PRKCH: variants seen among roughly 807,000 people sequenced by gnomAD.
The protein encoded by PRKCH is protein kinase C eta, also known as protein kinase C eta type.
In PRKCH, 28 loss-of-function variants were observed where a neutral mutation model predicts 82.5. The ratio of observed to expected loss-of-function variants is 0.34; its 90% CI spans 0.25 to 0.47. The LOEUF (loss-of-function observed/expected upper bound fraction) is 0.47, where lower values mean the gene tolerates loss of function less well. Ranked by LOEUF, PRKCH falls within the 20% of genes least tolerant of loss-of-function variation. PRKCH has a pLI of 1.00. For missense variants in PRKCH, 705 were observed against 881.8 expected (o/e 0.80, Z 2.54); for synonymous variants, 322 against 327.4 (o/e 0.98, Z 0.18).
intron 10 of PRKCH, among the ~76,000 whole-genome samples, chr14:61,522,998 A>T (rs2042924572): frequency 6.6e-6 from 1 of 152,232 alleles, no homozygotes; most frequent in Non-Finnish European, 1.5e-5. Flanking sequence ...GCTTTGAAAA[A>T]ACTTTAAGTA....
chr14:61,350,605 T>G (rs2046059906), intron 1 of PRKCH, among the ~76,000 whole-genome samples: 1 of 152,078 alleles, frequency 6.6e-6, no homozygotes, highest in Admixed American at 6.5e-5. Context: ...CCTCTTAAAG[T>G]CACTGAAAGA....
At chr14:61,347,016 C>T (rs2046002150) in intron 1 of PRKCH, among the ~76,000 whole-genome samples, 1 of 152,180 alleles carries the variant, frequency 6.6e-6, no homozygotes, top group Non-Finnish European at 1.5e-5. Context: ...GGCTTGTCTG[C>T]TGCCCCTTGC....
intron 1 of PRKCH, among the ~76,000 whole-genome samples, chr14:61,384,014 G>C (rs1566849579): frequency 6.6e-6 from 1 of 152,124 alleles, no homozygotes; most frequent in Non-Finnish European, 1.5e-5. Flanking sequence ...GGAAGTTGAT[G>C]AGATCAGCAC....
intron 1 of PRKCH, among the ~76,000 whole-genome samples, chr14:61,190,658 C>T (rs1265542028): frequency 3.3e-5 from 5 of 152,322 alleles, no homozygotes; most frequent in African/African-American, 7.2e-5. Flanking sequence ...ACCACCCTGC[C>T]TCTTGCTGTG....
intron 1 of PRKCH, chr14:61,281,191 C>A: frequency 8.2e-7 from 1 of 1,220,086 alleles, no homozygotes; most frequent in Non-Finnish European, 1.0e-6. Flanking sequence ...CGAGTGGGGG[C>A]CCCGCCGCGG....
At chr14:61,266,596 G>A (rs528342882) in intron 1 of PRKCH, among the ~76,000 whole-genome samples, 4 of 152,236 alleles carry the variant, frequency 2.6e-5, no homozygotes, top group South Asian at 2.1e-4. Flanking sequence ...ATGAGCCTCC[G>A]AATCAGTGGC....
In PRKCH at chr14:61,245,655, C is replaced by T. The variant is rs7494148; in HGVS notation, c.-19+57987C>T. On this transcript the variant is annotated intron_variant, in intron 1 of 3. Transcript: ENST00000555185. ...TAGTAAAGGAAGCCGGTGGGGCAGC[C>T]TTACAGTGGTCAGCCTCCTAAGGCA... Among the ~76,000 whole-genome samples, 407 of 136,946 alleles carry T rather than the reference C, an allele frequency of 3.0e-3. 2 individuals carry two copies. Among genetic ancestry groups the T allele is most frequent in the African/African-American group, 8.9e-3 (345 of 38,570 alleles). 89.8% of individuals were successfully genotyped at this position (136,946 alleles called of 152,430 possible).
At chr14:61,487,830 CA>C (rs33953676) in intron 10 of PRKCH, among the ~76,000 whole-genome samples, 28,191 of 141,462 alleles carry the variant, frequency 0.2, 3,251 homozygotes, top group East Asian at 0.41. Context: ...CCTATCTCTA[CA>C]AAAAAAAAAA....
intron 10 of PRKCH, chr14:61,492,394 T>G (rs1216867597): frequency 6.6e-6 from 1 of 152,214 alleles, no homozygotes; most frequent in Non-Finnish European, 1.5e-5. Context: ...ACCTCAAACG[T>G]TGCTAAGGGC....
chr14:61,403,352 A>T (rs1383699128), intron 2 of PRKCH, among the ~76,000 whole-genome samples: 1 of 152,184 alleles, frequency 6.6e-6, no homozygotes, highest in Non-Finnish European at 1.5e-5. Context: ...GACCACAGGG[A>T]GAAGGAACTG....
intron 1 of PRKCH, among the ~76,000 whole-genome samples, chr14:61,263,848 TGTGTGTGTGTGTGTGTGTGTG>T (rs1566798993): frequency 6.6e-3 from 4 of 606 alleles, no homozygotes; most frequent in Non-Finnish European, 7.5e-3. Context: ...GTCAGAGTAT[TGTGTGTGTGTGTGTGTGTGTG>T]TGTGTGTGTG....
rs182214864 is a variant in PRKCH, at chr14:61,234,042, T to C, written c.-19+46374T>C. ...CTACACCACAGGTGTAGCACTGGCC[T>C]AGCAAATACCTCTCCCTCAATCCAC... On this transcript the variant is annotated intron_variant, in intron 1 of 3. Coordinates refer to the PRKCH transcript ENST00000555185. 5.7e-3 allele frequency among the ~76,000 whole-genome samples: 866 copies of C among 152,358 alleles called. 12 individuals are homozygous for C. Among genetic ancestry groups the C allele is most frequent in the African/African-American group, 0.02 (836 of 41,580 alleles).
At chr14:61,297,723 G>T (rs556748449) in intron 1 of PRKCH, among the ~76,000 whole-genome samples, 1 of 152,130 alleles carries the variant, frequency 6.6e-6, no homozygotes, top group Non-Finnish European at 1.5e-5. Flanking sequence ...TGGAGTTCAG[G>T]GGGTAATGCT....
intron 1 of PRKCH, among the ~76,000 whole-genome samples, chr14:61,235,910 A>G (rs996229682): frequency 6.6e-6 from 1 of 152,146 alleles, no homozygotes; most frequent in African/African-American, 2.4e-5. Context: ...AGCACCCCCA[A>G]CCAGCTGAAT....
At chr14:61,264,805 G>A (rs2045082637) in intron 1 of PRKCH, among the ~76,000 whole-genome samples, 1 of 152,190 alleles carries the variant, frequency 6.6e-6, no homozygotes, top group East Asian at 1.9e-4. Flanking sequence ...TTTTGGGATA[G>A]TGCTTGGCAG....
intron 10 of PRKCH, among the ~76,000 whole-genome samples, chr14:61,496,905 A>ATATTCCCAAGC (rs1356332769): frequency 2.6e-5 from 4 of 152,174 alleles, no homozygotes; most frequent in African/African-American, 9.7e-5. Flanking sequence ...CAGCGCTATG[A>ATATTCCCAAGC]TATGACACTC....
In PRKCH at chr14:61,367,360, ATGTG is replaced by A. The variant is rs35762429; in HGVS notation, c.364-23843_364-23840del. Among the ~76,000 whole-genome samples, 70 of 144,946 alleles carry A rather than the reference ATGTG, an allele frequency of 4.8e-4. 1 individual carries two copies. The highest frequency in any genetic ancestry group is 2.8e-3 in the South Asian group (13 of 4,622). ...TCAGGTATTGCGTGTGTGTGTGTGT[ATGTG>A]TGTGTGTGTGTGTGTGTGTGTCAGA... On this transcript the variant is annotated intron_variant, in intron 1 of 13. Coordinates refer to ENST00000332981, the MANE Select transcript of PRKCH (RefSeq NM_006255.5).
intron 1 of PRKCH, among the ~76,000 whole-genome samples, chr14:61,384,741 T>G (rs2046561581): frequency 6.6e-6 from 1 of 151,964 alleles, no homozygotes; most frequent in Admixed American, 6.5e-5. Flanking sequence ...AGTCAAGAAA[T>G]GCTTTCCCGA....
At chr14:61,454,548 G>A (rs373125164) in intron 7 of PRKCH, among the ~76,000 whole-genome samples, 7 of 152,170 alleles carry the variant, frequency 4.6e-5, no homozygotes, top group African/African-American at 1.4e-4. Flanking sequence ...CCTCTAAAGC[G>A]GTTCAACTTG....
Sources: allele counts gnomAD v4.1 joint callset (sites outside exome capture counted in the v4.1 genomes callset), GRCh38; gene constraint gnomAD v4.1.1; transcripts MANE v1.5; gene names NCBI Gene and HGNC (gene_info 2026-07-23, HGNC 2026-07-21).